Variants in HPRT1 observed in about 807,000 individuals in gnomAD.
HPRT1 encodes hypoxanthine phosphoribosyltransferase 1.
In HPRT1, 4 loss-of-function variants were observed where a neutral mutation model predicts 19.0. The ratio of observed to expected loss-of-function variants is 0.21; its 90% CI spans 0.10 to 0.48. The LOEUF is 0.48. Ranked by LOEUF, HPRT1 falls within the 20% of genes least tolerant of loss-of-function variation. The pLI, the probability that HPRT1 is intolerant of heterozygous loss-of-function variation, is 0.98. For missense variants in HPRT1, 65 were observed against 164.0 expected (o/e 0.40, Z 3.30); for synonymous variants, 53 against 54.9 (o/e 0.97, Z 0.15).
intron 4 of HPRT1, 55 bp from the exon 5 acceptor site, chrX:134,490,133 A>G: frequency 1.2e-6 from 1 of 805,631 alleles, no homozygotes; most frequent in South Asian, 2.2e-5. Context: ...TTGACTTATA[A>G]TTGGAAATAC....
At chrX:134,474,427 T>A (rs2077618521) in intron 2 of HPRT1, among the ~76,000 whole-genome samples, 1 of 108,593 alleles carries the variant, frequency 9.2e-6, no homozygotes, top group Admixed American at 1.0e-4. Flanking sequence ...TCTCTTTTTT[T>A]TTTTTTTTTG....
At chrX:134,471,193 A>T (rs941253341) in intron 1 of HPRT1, among the ~76,000 whole-genome samples, 2 of 111,619 alleles carry the variant, frequency 1.8e-5, no homozygotes, top group African/African-American at 3.2e-5. Flanking sequence ...GAATTTTTTT[A>T]AAAGTGATAT....
intron 1 of HPRT1, among the ~76,000 whole-genome samples, chrX:134,471,781 C>T (rs904680889): frequency 9.0e-6 from 1 of 110,800 alleles, no homozygotes; most frequent in Non-Finnish European, 1.9e-5. Context: ...ACTGGGACTA[C>T]AGGCGCGTGC....
At chrX:134,473,521 T>G (rs2077616014) in intron 2 of HPRT1, 56 bp downstream of exon 2, 11 of 709,241 alleles carry the variant, frequency 1.6e-5, no homozygotes, top group South Asian at 1.1e-4. Context: ...ATTTCAAACA[T>G]CAGCAGCTGT....
intron 4 of HPRT1, among the ~76,000 whole-genome samples, chrX:134,489,245 T>A (rs2077660798): frequency 8.9e-6 from 1 of 111,900 alleles, no homozygotes; most frequent in African/African-American, 3.2e-5. Flanking sequence ...ATATGCATTT[T>A]AAATTATATA....
chrX:134,489,717 C>T (rs2077661793), intron 4 of HPRT1, among the ~76,000 whole-genome samples: 1 of 111,693 alleles, frequency 9.0e-6, no homozygotes, highest in African/African-American at 3.2e-5. Flanking sequence ...TGGACACATC[C>T]AGAAAATGCA....
chrX:134,497,722 G>A (rs765336145), intron 6 of HPRT1, among the ~76,000 whole-genome samples: 31 of 110,995 alleles, frequency 2.8e-4, no homozygotes, highest in Middle Eastern at 4.7e-3. Flanking sequence ...CGAGGTGGGC[G>A]GATCACGAGG....
At chrX:134,476,743 TTAA>T (rs1029098323) in intron 3 of HPRT1, among the ~76,000 whole-genome samples, 1 of 111,638 alleles carries the variant, frequency 9.0e-6, no homozygotes, top group Admixed American at 9.6e-5. Flanking sequence ...GAGTTTAACT[TTAA>T]TATTTTCTTT....
chrX:134,481,979 G>A (rs928717593), intron 3 of HPRT1, among the ~76,000 whole-genome samples: 1 of 112,329 alleles, frequency 8.9e-6, no homozygotes, highest in African/African-American at 3.2e-5. Flanking sequence ...CATGAAGATA[G>A]GATGAAATAA....
chrX:134,497,819 T>C (rs1430449795), intron 6 of HPRT1, among the ~76,000 whole-genome samples: 1 of 108,850 alleles, frequency 9.2e-6, no homozygotes, highest in African/African-American at 3.3e-5. Flanking sequence ...TGCTGGCGGG[T>C]GCCTGTAGTC....
At chrX:134,477,272 G>A (rs1393105444) in intron 3 of HPRT1, among the ~76,000 whole-genome samples, 7 of 107,905 alleles carry the variant, frequency 6.5e-5, no homozygotes, top group Non-Finnish European at 1.3e-4. Flanking sequence ...TGTTGGTCAG[G>A]CTGGTCTCGA....
intron 3 of HPRT1, 47 bp downstream of exon 3, chrX:134,475,411 T>C: frequency 1.2e-6 from 1 of 829,095 alleles, no homozygotes; most frequent in Non-Finnish European, 1.8e-6. Flanking sequence ...ACAGTAGGTT[T>C]TCTTATATTT....
intron 4 of HPRT1, chrX:134,486,769 T>C (rs908672450): frequency 4.4e-5 from 14 of 316,308 alleles, no homozygotes; most frequent in African/African-American, 3.6e-4. Flanking sequence ...TCTGTGGGAC[T>C]CTAATTTGGG....
chrX:134,471,201 T>C (rs926284603), intron 1 of HPRT1, among the ~76,000 whole-genome samples: 1 of 111,619 alleles, frequency 9.0e-6, no homozygotes, highest in Admixed American at 9.6e-5. Context: ...TTAAAAGTGA[T>C]ATATATTCAT....
chrX:134,478,020 T>C (rs1438694124), intron 3 of HPRT1, among the ~76,000 whole-genome samples: 1 of 112,131 alleles, frequency 8.9e-6, no homozygotes, highest in Admixed American at 9.5e-5. Context: ...CAGCTTGTCA[T>C]GTAAGATATT....
intron 1 of HPRT1, among the ~76,000 whole-genome samples, chrX:134,472,819 C>T (rs1344707916): frequency 8.9e-6 from 1 of 111,795 alleles, no homozygotes; most frequent in East Asian, 2.8e-4. Context: ...AGGTGATCCA[C>T]CCGCCTCGGC....
Position 134,487,159 on chromosome X carries a change from G to A in HPRT1, c.384+629G>A, listed in dbSNP as rs138985325. Among the ~76,000 whole-genome samples the A allele has an allele frequency of 3.3e-3, 371 of 111,526 alleles. 2 individuals are homozygous for A. Among genetic ancestry groups the A allele is most frequent in the Non-Finnish European group, 3.6e-3 (193 of 53,087 alleles). On this transcript the variant is annotated intron_variant, in intron 4 of 8. Coordinates refer to ENST00000298556, the MANE Select transcript of HPRT1 (RefSeq NM_000194.3). ...TTAAGAAATCTCAAAGAGTTTTCTTGTACCTTAAAATTCTCCTAGTGTGAA... is the reference window on the plus strand; with the variant it reads ...TTAAGAAATCTCAAAGAGTTTTCTTATACCTTAAAATTCTCCTAGTGTGAA...
intron 3 of HPRT1, among the ~76,000 whole-genome samples, chrX:134,480,113 G>T (rs1351809150): frequency 3.6e-5 from 4 of 111,017 alleles, no homozygotes; most frequent in Non-Finnish European, 7.5e-5. Flanking sequence ...CTTAGGATTT[G>T]CAATCTTAGA....
chrX:134,469,253 C>T (rs2077604994), intron 1 of HPRT1, among the ~76,000 whole-genome samples: 1 of 110,948 alleles, frequency 9.0e-6, no homozygotes, highest in African/African-American at 3.3e-5. Context: ...TGAATTCATA[C>T]CTGAAGTATC....
Sources: allele counts gnomAD v4.1 joint callset (sites outside exome capture counted in the v4.1 genomes callset), GRCh38; gene constraint gnomAD v4.1.1; transcripts MANE v1.5; gene names NCBI Gene and HGNC (gene_info 2026-07-23, HGNC 2026-07-21).